The following IL1RAPL2 variants were observed in gnomAD, a reference collection of about 807,000 sequenced individuals.
The protein encoded by IL1RAPL2 is X-linked interleukin-1 receptor accessory protein-like 2.
Under a neutral mutation model 44.1 loss-of-function variants are expected in IL1RAPL2, and 3 were observed. The ratio of observed to expected loss-of-function variants is 0.07; its 90% CI spans 0.03 to 0.18. The LOEUF is 0.18. IL1RAPL2 is among the 10% of genes least tolerant of loss of function. IL1RAPL2 has a pLI of 1.00. For synonymous variants in IL1RAPL2, 181 were observed against 178.8 expected, an observed-to-expected ratio of 1.01 and a Z score of -0.10; for missense variants, 391 against 496.4, an observed-to-expected ratio of 0.79 and a Z score of 2.02.
intron 1 of IL1RAPL2, among the ~76,000 whole-genome samples, chrX:104,574,124 G>A (rs1270914188): frequency 9.0e-6 from 1 of 110,986 alleles, no homozygotes; most frequent in Non-Finnish European, 1.9e-5. Flanking sequence ...GAAGACTGAA[G>A]GCTTAAAGGA....
At chrX:105,482,530 C>T (rs1280130145) in intron 5 of IL1RAPL2, among the ~76,000 whole-genome samples, 2 of 111,661 alleles carry the variant, frequency 1.8e-5, no homozygotes, top group Non-Finnish European at 3.8e-5. Context: ...AATTTTTCCA[C>T]TTCAGGCAGC....
chrX:105,363,080 T>G (rs145017174), intron 5 of IL1RAPL2, among the ~76,000 whole-genome samples: 1,915 of 106,973 alleles, frequency 0.018, 43 homozygotes, highest in African/African-American at 0.062. Flanking sequence ...GAGATTAGCT[T>G]TTTTAGATTT....
intron 6 of IL1RAPL2, among the ~76,000 whole-genome samples, chrX:105,630,665 G>GA (rs925758992): frequency 4.6e-5 from 5 of 108,973 alleles, no homozygotes; most frequent in South Asian, 3.9e-4. Flanking sequence ...GGGTGTTAGG[G>GA]AAAAAAAATG....
intron 2 of IL1RAPL2, among the ~76,000 whole-genome samples, chrX:104,690,711 G>A (rs757781587): frequency 1.8e-5 from 2 of 111,952 alleles, no homozygotes; most frequent in Non-Finnish European, 3.8e-5. Context: ...AGTTGGTTCT[G>A]GCATCTTTAG....
chrX:104,896,749 T>G (rs534225327), intron 2 of IL1RAPL2, among the ~76,000 whole-genome samples: 7 of 111,481 alleles, frequency 6.3e-5, no homozygotes, highest in African/African-American at 2.3e-4. Flanking sequence ...TTTGTTCTTT[T>G]GCTCTTCACA....
chrX:104,585,372 ATATATAATATATAT>A (rs1928534303), intron 1 of IL1RAPL2, among the ~76,000 whole-genome samples: 4 of 24,732 alleles, frequency 1.6e-4, no homozygotes, highest in African/African-American at 3.0e-4. Flanking sequence ...TATATATATT[ATATATAATATATAT>A]TATATATAAT....
rs183403016 is a variant in IL1RAPL2 at position 104,630,563 on chromosome X, A to G, written c.-19-28332A>G. On this transcript the variant is annotated intron_variant, in intron 1 of 10. Transcript: ENST00000372582. ...TCCACCTGCCTTGGCCTCCCAAAGT[A>G]CTGGGATTACAGGCCTGAGCCACTG... Among the ~76,000 whole-genome samples, 5 of 109,261 alleles carry G rather than the reference A, an allele frequency of 4.6e-5. No homozygotes were observed. In the East Asian group the frequency reaches 1.5e-3, roughly 32 times the overall value. 94.9% of individuals were successfully genotyped at this position (109,261 alleles called of 115,157 possible). A position where few individuals can be genotyped will look rare whatever the true frequency, so the allele number is the denominator to read the frequency against.
At chrX:105,678,172 C>T (rs997235993) in intron 6 of IL1RAPL2, among the ~76,000 whole-genome samples, 1 of 111,939 alleles carries the variant, frequency 8.9e-6, no homozygotes, top group African/African-American at 3.2e-5. Flanking sequence ...TCAGTACTGA[C>T]ATAAAATATG....
intron 6 of IL1RAPL2, among the ~76,000 whole-genome samples, chrX:105,541,145 A>AAAATGT (rs1311048577): frequency 9.2e-6 from 1 of 108,512 alleles, no homozygotes; most frequent in Admixed American, 1.0e-4. Context: ...TGGTTGTTTA[A>AAAATGT]AAATGTAAAT....
At chrX:105,566,257 A>G (rs761280163) in intron 6 of IL1RAPL2, among the ~76,000 whole-genome samples, 2 of 111,504 alleles carry the variant, frequency 1.8e-5, no homozygotes, top group East Asian at 2.8e-4. Context: ...TGTGTGTGAG[A>G]GAGAGTCTTA....
chrX:105,751,591 A>T (rs1326453112), intron 9 of IL1RAPL2, among the ~76,000 whole-genome samples: 1 of 111,899 alleles, frequency 8.9e-6, no homozygotes, highest in African/African-American at 3.3e-5. Flanking sequence ...CATTTTGATT[A>T]CATAATTTTA....
chrX:105,551,370 A>G (rs746063357), intron 6 of IL1RAPL2, among the ~76,000 whole-genome samples: 7 of 110,371 alleles, frequency 6.3e-5, no homozygotes, highest in Non-Finnish European at 1.3e-4. Flanking sequence ...TAATGAAGGT[A>G]AATGAGGCCT....
chrX:105,167,339 T>C (rs1323002490), intron 2 of IL1RAPL2, among the ~76,000 whole-genome samples: 1 of 112,750 alleles, frequency 8.9e-6, no homozygotes, highest in Non-Finnish European at 1.9e-5. Flanking sequence ...CTGAGTCAGC[T>C]ATATGGGCTG....
At chrX:105,538,921 G>T (rs192041250) in intron 6 of IL1RAPL2, among the ~76,000 whole-genome samples, 1 of 110,767 alleles carries the variant, frequency 9.0e-6, no homozygotes, top group Non-Finnish European at 1.9e-5. Flanking sequence ...GCCAAATCAA[G>T]AACTCAATCC....
At chrX:104,775,145 T>G (rs1304278571) in intron 2 of IL1RAPL2, among the ~76,000 whole-genome samples, 1 of 112,578 alleles carries the variant, frequency 8.9e-6, no homozygotes, top group East Asian at 2.8e-4. Context: ...ATGTGCAAAT[T>G]ATAATTTCAA....
intron 3 of IL1RAPL2, among the ~76,000 whole-genome samples, chrX:105,222,488 A>C (rs1243164840): frequency 8.9e-6 from 1 of 112,108 alleles, no homozygotes; most frequent in Non-Finnish European, 1.9e-5. Context: ...ATCAGCCATC[A>C]GTGGAAAGGG....
At chrX:105,716,166 C>T (rs2038255494) in intron 6 of IL1RAPL2, among the ~76,000 whole-genome samples, 1 of 111,235 alleles carries the variant, frequency 9.0e-6, no homozygotes, top group African/African-American at 3.3e-5. Context: ...GAAAAAAAAA[C>T]TGCATACCAA....
At chrX:104,842,672 T>C in intron 2 of IL1RAPL2, among the ~76,000 whole-genome samples, 1 of 112,326 alleles carries the variant, frequency 8.9e-6, no homozygotes, top group Non-Finnish European at 1.9e-5. Flanking sequence ...TCTATTGCAG[T>C]GCTGGAGGTC....
intron 3 of IL1RAPL2, among the ~76,000 whole-genome samples, chrX:105,218,421 C>T (rs150461250): frequency 8.4e-4 from 94 of 111,360 alleles, no homozygotes; most frequent in African/African-American, 2.9e-3. Flanking sequence ...CATTGCTCAA[C>T]ATCATGGAAT....
Sources: gnomAD v4.1 joint callset for allele counts (sites outside exome capture counted in the v4.1 genomes callset) on GRCh38, gnomAD v4.1.1 for gene constraint, MANE v1.5 for transcripts, NCBI Gene and HGNC (gene_info 2026-07-23, HGNC 2026-07-21) for gene names.